CATSPERT: variants seen among roughly 807,000 people sequenced by gnomAD.
CATSPERT encodes cation channel sperm-associated targeting subunit tau.
the CATSPERT span, among the ~76,000 whole-genome samples, chr2:201,589,143 T>C: frequency 1.8e-4 from 28 of 152,282 alleles, no homozygotes; most frequent in South Asian, 5.8e-3. Flanking sequence ...TGCTCATGCA[T>C]AGAAAGAATC....
At chr2:201,616,326 G>A in the CATSPERT span, among the ~76,000 whole-genome samples, 15 of 152,246 alleles carry the variant, frequency 9.9e-5, no homozygotes, top group African/African-American at 3.6e-4. Flanking sequence ...CTGGCAAACC[G>A]AATCCAGCAG....
the CATSPERT span, among the ~76,000 whole-genome samples, chr2:201,568,119 C>T: frequency 6.6e-6 from 1 of 152,166 alleles, no homozygotes; most frequent in Admixed American, 6.5e-5. Context: ...TCACTGTATA[C>T]AGGATGTCAC....
chr2:201,556,618 G>C, the CATSPERT span, among the ~76,000 whole-genome samples: 1 of 152,050 alleles, frequency 6.6e-6, no homozygotes, highest in East Asian at 1.9e-4. Context: ...CCTGAGGTTA[G>C]GAGTTTGAGA....
chr2:201,535,682 G>T, the CATSPERT span: 1 of 1,209,192 alleles, frequency 8.3e-7, no homozygotes, highest in East Asian at 3.4e-5. Context: ...CTCATTTCTT[G>T]ATTGATATAA....
the CATSPERT span, among the ~76,000 whole-genome samples, chr2:201,562,697 A>T: frequency 7.0e-6 from 1 of 143,780 alleles, no homozygotes; most frequent in Non-Finnish European, 1.5e-5. Context: ...GGTACTTGAG[A>T]TTAGGGAGTG....
chr2:201,515,178 T>G, the CATSPERT span, among the ~76,000 whole-genome samples: 1 of 142,616 alleles, frequency 7.0e-6, no homozygotes, highest in Non-Finnish European at 1.5e-5. Context: ...GCCAAAGGAA[T>G]TGAGTGTTGT....
chr2:201,542,693 T>G, the CATSPERT span, among the ~76,000 whole-genome samples: 1 of 152,202 alleles, frequency 6.6e-6, no homozygotes, highest in Non-Finnish European at 1.5e-5. Flanking sequence ...TCAGTCCATT[T>G]TTTATTTATT....
chr2:201,529,539 A>T, the CATSPERT span, among the ~76,000 whole-genome samples: 1 of 152,182 alleles, frequency 6.6e-6, no homozygotes. Flanking sequence ...GGAAAAATAG[A>T]TATGGCCCAG....
chr2:201,501,579 C>A, the CATSPERT span, among the ~76,000 whole-genome samples: 1 of 151,668 alleles, frequency 6.6e-6, no homozygotes, highest in African/African-American at 2.4e-5. Context: ...AGAATAGAAA[C>A]ACGATAGAGA....
chr2:201,567,925 C>T, the CATSPERT span, among the ~76,000 whole-genome samples: 2 of 152,174 alleles, frequency 1.3e-5, no homozygotes, highest in African/African-American at 4.8e-5. Context: ...GCAGAGCCTT[C>T]TCTTGTTCTG....
At chr2:201,605,878 T>C in the CATSPERT span, among the ~76,000 whole-genome samples, 9 of 152,032 alleles carry the variant, frequency 5.9e-5, no homozygotes, top group Non-Finnish European at 1.0e-4. Flanking sequence ...ATGAAATGAG[T>C]GTTGATCAAT....
chr2:201,556,517 A>G, the CATSPERT span, among the ~76,000 whole-genome samples: 1 of 151,230 alleles, frequency 6.6e-6, no homozygotes, highest in African/African-American at 2.4e-5. Context: ...CAAAAAGAAA[A>G]AAAAAAAAAA....
At chr2:201,613,826 A>G in the CATSPERT span, among the ~76,000 whole-genome samples, 2 of 152,308 alleles carry the variant, frequency 1.3e-5, no homozygotes, top group Middle Eastern at 3.4e-3. Flanking sequence ...GATCAGATGA[A>G]TGGCTAATTA....
At chr2:201,566,116 C>T in the CATSPERT span, among the ~76,000 whole-genome samples, 26 of 152,122 alleles carry the variant, frequency 1.7e-4, no homozygotes, top group African/African-American at 4.8e-4. Context: ...GACAGAAGGG[C>T]CTCAAGTTCT....
At chr2:201,616,118 T>C in the CATSPERT span, among the ~76,000 whole-genome samples, 1 of 152,234 alleles carries the variant, frequency 6.6e-6, no homozygotes, top group Non-Finnish European at 1.5e-5. Context: ...AGCCAAATTC[T>C]ACCAGAGGTA....
At chr2:201,507,977 C>T in the CATSPERT span, among the ~76,000 whole-genome samples, 1 of 152,180 alleles carries the variant, frequency 6.6e-6, no homozygotes, top group Non-Finnish European at 1.5e-5. Context: ...ATTCAGTCAC[C>T]TCCCACCAAG....
chr2:201,613,404 G>A, the CATSPERT span, among the ~76,000 whole-genome samples: 1 of 152,202 alleles, frequency 6.6e-6, no homozygotes, highest in Non-Finnish European at 1.5e-5. Flanking sequence ...AATATTTGCT[G>A]TTCTGCAGCC....
the CATSPERT span, among the ~76,000 whole-genome samples, chr2:201,498,157 G>A: frequency 1.3e-3 from 200 of 152,198 alleles, no homozygotes; most frequent in South Asian, 4.6e-3. Flanking sequence ...GAAGAATAGC[G>A]CACACGATTA....
chr2:201,488,000 A>T, the CATSPERT span: 2 of 983,086 alleles, frequency 2.0e-6, no homozygotes, highest in Non-Finnish European at 2.9e-6. Flanking sequence ...CAAAAGAAAA[A>T]AGAAAAACAA....
Sources: gnomAD v4.1 joint callset for allele counts (sites outside exome capture counted in the v4.1 genomes callset) on GRCh38, gnomAD v4.1.1 for gene constraint, MANE v1.5 for transcripts, NCBI Gene and HGNC (gene_info 2026-07-23, HGNC 2026-07-21) for gene names.